IGFBP5: variants seen among roughly 807,000 people sequenced by gnomAD.
IGFBP5 encodes insulin like growth factor binding protein 5.
In IGFBP5, 12 loss-of-function variants were observed where a neutral mutation model predicts 28.0. That is an observed-to-expected ratio of 0.43 (90% CI 0.27 to 0.69). The LOEUF (loss-of-function observed/expected upper bound fraction) is 0.69. IGFBP5 is among the 30% of genes least tolerant of loss of function. The pLI is 0.20. For synonymous variants in IGFBP5, 152 were observed against 150.2 expected (o/e 1.01, Z -0.09); for missense variants, 344 against 381.6 (o/e 0.90, Z 0.82).
intron 1 of IGFBP5, among the ~76,000 whole-genome samples, chr2:216,681,431 T>C (rs1688977017): frequency 6.6e-6 from 1 of 152,114 alleles, no homozygotes; most frequent in Non-Finnish European, 1.5e-5. Flanking sequence ...GACCAGCGCA[T>C]GCGTCTATGC....
Position 216,679,185 on chromosome 2 carries a change from A to G in IGFBP5, c.338-106T>C. On this transcript the variant is annotated intron_variant, in intron 1 of 3. Transcript: ENST00000233813. The surrounding 1 kb of genome is among the most constrained non-coding windows in gnomAD (Gnocchi z 4.6). ...TGAGGGGAGTAATAAAGGCTGAAGC[A>G]GATGTGTCTCTGCCCTCCTGGAGCA... 1.2e-6 allele frequency: 1 copy of G among 816,268 alleles called. No individual in the cohort carries two copies. The highest frequency in any genetic ancestry group is 2.6e-5 in the East Asian group (1 of 38,114). The allele number at this position is 816,268 out of a possible 1,614,324, so 50.6% of individuals were successfully genotyped here.
At chr2:216,689,383 C>A (rs1350129450) in intron 1 of IGFBP5, among the ~76,000 whole-genome samples, 3 of 152,214 alleles carry the variant, frequency 2.0e-5, no homozygotes, top group African/African-American at 7.2e-5. Context: ...GGCTTGTATG[C>A]AAGACTGTGT....
chr2:216,681,840 A>T (rs1454506133), intron 1 of IGFBP5, among the ~76,000 whole-genome samples: 1 of 152,116 alleles, frequency 6.6e-6, no homozygotes, highest in Non-Finnish European at 1.5e-5. Flanking sequence ...TTTTTCTAAG[A>T]AGTGCTGTGG....
intron 1 of IGFBP5, among the ~76,000 whole-genome samples, chr2:216,683,360 A>G (rs554364005): frequency 3.9e-5 from 6 of 152,286 alleles, no homozygotes; most frequent in African/African-American, 1.2e-4. Flanking sequence ...TGGGGGACAG[A>G]GTGAGACCCT....
chr2:216,691,423 AAACCCAGTAC>A (rs11266969), intron 1 of IGFBP5, among the ~76,000 whole-genome samples: 92,694 of 151,680 alleles, frequency 0.61, 28,374 homozygotes, highest in South Asian at 0.71. Context: ...GCCCGAAAGC[AAACCCAGTAC>A]TTCCTTGACT....
At position 216,675,637 on chromosome 2, in the gene IGFBP5, T is replaced by C. The variant is rs1015021755; in HGVS notation, c.*1114A>G. ...GCTATTACGGGTTGTATTAGGAGAA[T>C]ATGGGTTTTCTCAGTTTTCCCAGAA... On this transcript the variant is annotated 3_prime_UTR_variant, in exon 4 of 4. Transcript: ENST00000233813. 2.6e-5 allele frequency: 4 copies of C among 152,114 alleles called. No homozygotes were observed. Among genetic ancestry groups the C allele is most frequent in the African/African-American group, 9.7e-5 (4 of 41,432 alleles). The allele number at this position is 152,114 out of a possible 1,614,324, so 9.4% of individuals were successfully genotyped here. A position where few individuals can be genotyped will look rare whatever the true frequency, so the allele number is the denominator to read the frequency against.
rs1265986009 is a variant in IGFBP5 at position 216,694,460 on chromosome 2, A to T, written c.316T>A (p.Tyr106Asn). ...TCACCGATCTTGACTTGCTCGCGGT[A>T]GCTCTTTTCGTTGAGGCAAACCCCG... ...GRGVCLNEKS[Y>N]REQVKIERDS... Residue 106 changes from tyrosine to asparagine, a missense_variant, in exon 1 of 4, where the codon TAC (tyrosine) becomes AAC (asparagine). Coordinates refer to ENST00000233813, the MANE Select transcript of IGFBP5 (RefSeq NM_000599.4). The surrounding 1 kb of genome is among the most constrained non-coding windows in gnomAD (Gnocchi z 5.2). The T allele has an allele frequency of 6.3e-7, 1 of 1,577,664 alleles. No homozygotes were observed. The highest frequency in any genetic ancestry group is 8.6e-7 in the Non-Finnish European group (1 of 1,166,232).
intron 1 of IGFBP5, among the ~76,000 whole-genome samples, chr2:216,693,096 A>G (rs1689120061): frequency 1.3e-5 from 2 of 152,108 alleles, no homozygotes; most frequent in South Asian, 4.1e-4. Flanking sequence ...CCTTTTGGAG[A>G]GAATCAATAG....
At chr2:216,682,015 G>A (rs1688982880) in intron 1 of IGFBP5, among the ~76,000 whole-genome samples, 1 of 152,188 alleles carries the variant, frequency 6.6e-6, no homozygotes. Flanking sequence ...CATACAAAAT[G>A]TAGATTCTTG....
Position 216,678,220 on chromosome 2 carries a change from G to A in IGFBP5, c.579C>T (p.Arg193=), listed in dbSNP as rs543201400. The A allele has an allele frequency of 7.6e-6, 12 of 1,577,000 alleles. No individual in the cohort carries two copies. The highest frequency in any genetic ancestry group is 6.8e-5 in the African/African-American group (5 of 73,918). The change falls in exon 3 of 4, where the codon CGC becomes CGT. Residue 193 remains arginine (R), a synonymous_variant. Coordinates refer to ENST00000233813, the MANE Select transcript of IGFBP5 (RefSeq NM_000599.4). ...MRQESEQGPC[R]RHMEASLQEL... is the part of the protein sequence containing the mutation. ...CCTGCAGGGAAGCCTCCATGTGTCT[G>A]CGGCAGGGGCCCTGTGTGGACAGGA... is the stretch of plus-strand genomic sequence containing the variant.
chr2:216,686,631 T>C (rs993530373), intron 1 of IGFBP5, among the ~76,000 whole-genome samples: 2 of 148,122 alleles, frequency 1.4e-5, no homozygotes, highest in African/African-American at 5.0e-5. Flanking sequence ...AATAAATAAA[T>C]AAACAAACCT....
intron 1 of IGFBP5, among the ~76,000 whole-genome samples, chr2:216,682,692 C>G (rs899959046): frequency 6.6e-6 from 1 of 151,788 alleles, no homozygotes; most frequent in African/African-American, 2.4e-5. Flanking sequence ...GGGCACACTT[C>G]TAGGGACTGG....
intron 1 of IGFBP5, among the ~76,000 whole-genome samples, chr2:216,684,285 C>T (rs1052461023): frequency 2.0e-5 from 3 of 152,226 alleles, no homozygotes; most frequent in Non-Finnish European, 4.4e-5. Flanking sequence ...ATCCAGGAGA[C>T]CTGCCTGCCT....
intron 1 of IGFBP5, among the ~76,000 whole-genome samples, chr2:216,693,894 G>A (rs890356874): frequency 1.3e-5 from 2 of 152,108 alleles, no homozygotes; most frequent in African/African-American, 4.8e-5. Context: ...GTGTGTGTAG[G>A]GGTGGAGGGA....
chr2:216,688,735 G>A (rs539546709), intron 1 of IGFBP5, among the ~76,000 whole-genome samples: 2 of 152,300 alleles, frequency 1.3e-5, no homozygotes, highest in African/African-American at 4.8e-5. Flanking sequence ...GATGGTTTAG[G>A]TTGAGGGATC....
In IGFBP5 at chr2:216,694,711, C is replaced by T. The variant is rs564421832; in HGVS notation, c.65G>A (p.Gly22Asp). Residue 22 changes from glycine (G) to aspartate (D), a missense_variant, in exon 1 of 4, where the codon GGC becomes GAC. Transcript: ENST00000233813. The surrounding 1 kb of genome is among the most constrained non-coding windows in gnomAD (Gnocchi z 5.2). ...GCAGGGCTCGCAGTGCACGAAGGAG[C>T]CCAGGCTCTGGGCCGGCCCCGCATA... ...AAYAGPAQSL[G>D]SFVHCEPCDE... 1.1e-5 allele frequency: 16 copies of T among 1,486,100 alleles called. No homozygotes were observed. In the South Asian group the frequency reaches 2.1e-4, roughly 20 times the overall value. 92.1% of individuals were successfully genotyped at this position (1,486,100 alleles called of 1,614,324 possible). A position where few individuals can be genotyped will look rare whatever the true frequency, so the allele number is the denominator to read the frequency against.
intron 1 of IGFBP5, among the ~76,000 whole-genome samples, chr2:216,691,795 A>G (rs940567483): frequency 1.3e-5 from 2 of 149,274 alleles, no homozygotes; most frequent in African/African-American, 4.9e-5. Context: ...AATATAGTAT[A>G]TACCATATAT....
intron 1 of IGFBP5, among the ~76,000 whole-genome samples, chr2:216,685,318 TGTG>T (rs956372273): frequency 2.0e-5 from 3 of 150,196 alleles, no homozygotes; most frequent in Non-Finnish European, 4.4e-5. Context: ...CACTAGCCAA[TGTG>T]GCTATTTAAA....
rs974158163 is a variant in IGFBP5 at position 216,676,579 on chromosome 2, G to A, written c.*172C>T. The A allele has an allele frequency of 8.6e-6, 4 of 464,202 alleles. No homozygotes were observed. The highest frequency in any genetic ancestry group is 2.0e-5 in the African/African-American group (1 of 49,168). The allele number at this position is 464,202 out of a possible 1,614,324, so 28.8% of individuals were successfully genotyped here. ...TTGCATCTCTGTTGTTGCCATTTTC[G>A]AAGTTGAGCCCTTGCTAGAGATTCC... On this transcript the variant is annotated 3_prime_UTR_variant, in exon 4 of 4. Transcript: ENST00000233813.
Sources: gnomAD v4.1 joint callset for allele counts (sites outside exome capture counted in the v4.1 genomes callset) on GRCh38, gnomAD v4.1.1 for gene constraint, Gnocchi (gnomAD v3.1) non-coding constraint, MANE v1.5 for transcripts, NCBI Gene and HGNC (gene_info 2026-07-23, HGNC 2026-07-21) for gene names.